Variants in NOL10 observed in about 807,000 individuals in gnomAD.
NOL10 encodes the protein nucleolar protein 10, also known as H_NH0074G24.1.
Under a neutral mutation model 103.5 loss-of-function variants are expected in NOL10, and 58 were observed. The observed-to-expected ratio is 0.56, with a 90% CI of 0.45 to 0.70. The LOEUF is 0.70. NOL10 is among the 30% of genes least tolerant of loss of function. The pLI is 0.00. For synonymous variants in NOL10, 287 were observed against 282.5 expected (o/e 1.02, Z -0.16); for missense variants, 763 against 807.3 (o/e 0.95, Z 0.67).
chr2:10,640,238 C>T lies in NOL10; in HGVS notation c.1026+4082G>A, dbSNP rs564808972. ...CTTCCTGCCAAACGTCAACTTGGTA[C>T]GTTTGATAAAATCTTATGAAAAATG... On this transcript the variant is annotated intron_variant, in intron 13 of 20. Coordinates refer to ENST00000381685, the MANE Select transcript of NOL10 (RefSeq NM_024894.4). Among the ~76,000 whole-genome samples, 4 of 152,286 alleles carry T rather than the reference C, an allele frequency of 2.6e-5. No homozygotes were observed. In the South Asian group the frequency reaches 8.3e-4, roughly 32 times the overall value.
chr2:10,588,169 A>G (rs1675211872), intron 19 of NOL10, among the ~76,000 whole-genome samples: 1 of 152,186 alleles, frequency 6.6e-6, no homozygotes, highest in Non-Finnish European at 1.5e-5. Flanking sequence ...GACAACTGAA[A>G]ATTATTCAAA....
intron 13 of NOL10, among the ~76,000 whole-genome samples, chr2:10,607,906 G>T (rs1230137407): frequency 2.0e-5 from 3 of 151,760 alleles, no homozygotes; most frequent in Non-Finnish European, 4.4e-5. Flanking sequence ...CTAATTACTT[G>T]ACAATTACAT....
At chr2:10,670,305 A>AT (rs1680842258) in intron 6 of NOL10, among the ~76,000 whole-genome samples, 1 of 152,070 alleles carries the variant, frequency 6.6e-6, no homozygotes. Context: ...ATACTGCTGT[A>AT]TTTTCAGGGG....
intron 13 of NOL10, among the ~76,000 whole-genome samples, chr2:10,622,885 C>T (rs1252614474): frequency 6.6e-6 from 1 of 152,090 alleles, no homozygotes; most frequent in Non-Finnish European, 1.5e-5. Context: ...ATGGCCAAAA[C>T]TGAATTTAGT....
At chr2:10,586,712 G>C (rs1675038704) in intron 19 of NOL10, among the ~76,000 whole-genome samples, 1 of 152,042 alleles carries the variant, frequency 6.6e-6, no homozygotes, top group East Asian at 1.9e-4. Context: ...CAACAAGGAT[G>C]AAGACCTTTA....
chr2:10,680,142 T>C (rs1440945061), intron 3 of NOL10, among the ~76,000 whole-genome samples: 1 of 151,920 alleles, frequency 6.6e-6, no homozygotes, highest in Non-Finnish European at 1.5e-5. Flanking sequence ...CCGGGTGTGG[T>C]GGCGAGCACC....
rs574532761 is a variant in NOL10 at position 10,591,857 on chromosome 2, G to C, written c.1423-2106C>G. On this transcript the variant is annotated intron_variant, in intron 17 of 20. Coordinates refer to ENST00000381685, the MANE Select transcript of NOL10 (RefSeq NM_024894.4). ...TGTCTATACAAAATATAAAAAATTA[G>C]TCAGGCGTGGTGGTGCATGCCTGTA... 4.7e-4 allele frequency among the ~76,000 whole-genome samples: 71 copies of C among 152,160 alleles called. 1 individual carries two copies. Among genetic ancestry groups the C allele is most frequent in the African/African-American group, 1.5e-3 (62 of 41,508 alleles).
rs184996429 is a variant in NOL10 at position 10,664,460 on chromosome 2, T to C, written c.592-1416A>G. Among the ~76,000 whole-genome samples the C allele has an allele frequency of 2.1e-3, 321 of 152,236 alleles. 2 individuals carry two copies. The highest frequency in any genetic ancestry group is 7.5e-3 in the African/African-American group (310 of 41,548). ...GTAGTACGTCCATTTAAACTGAGTATTAGCCATTACAAAGAATGATGTGAA... is the reference window on the plus strand; with the variant it reads ...GTAGTACGTCCATTTAAACTGAGTACTAGCCATTACAAAGAATGATGTGAA... On this transcript the variant is annotated intron_variant, in intron 8 of 20. Transcript: ENST00000381685.
chr2:10,668,995 T>C (rs928303963), intron 6 of NOL10, among the ~76,000 whole-genome samples: 2 of 152,080 alleles, frequency 1.3e-5, no homozygotes, highest in Non-Finnish European at 2.9e-5. Context: ...CAAAAGTATA[T>C]GTAATGTATC....
At chr2:10,683,167 C>T (rs1681902773) in intron 2 of NOL10, among the ~76,000 whole-genome samples, 1 of 152,086 alleles carries the variant, frequency 6.6e-6, no homozygotes, top group African/African-American at 2.4e-5. Context: ...AAGAGGAAAC[C>T]CCTTTGATAC....
chr2:10,596,988 G>A (rs937389506), intron 17 of NOL10, among the ~76,000 whole-genome samples: 2 of 151,226 alleles, frequency 1.3e-5, no homozygotes, highest in African/African-American at 2.4e-5. Context: ...TTTTTTTAAA[G>A]AGATGCTGTC....
At chr2:10,658,184 T>C (rs1392005472) in intron 10 of NOL10, among the ~76,000 whole-genome samples, 3 of 152,224 alleles carry the variant, frequency 2.0e-5, no homozygotes, top group Non-Finnish European at 4.4e-5. Flanking sequence ...AACAAATATA[T>C]ACTGAGGGCC....
chr2:10,581,668 A>C (rs559504936), intron 19 of NOL10, among the ~76,000 whole-genome samples: 1 of 152,234 alleles, frequency 6.6e-6, no homozygotes, highest in African/African-American at 2.4e-5. Flanking sequence ...CTGGACAAAA[A>C]ATTTAACAAT....
At chr2:10,647,977 G>C (rs1288113714) in intron 12 of NOL10, among the ~76,000 whole-genome samples, 4 of 152,136 alleles carry the variant, frequency 2.6e-5, no homozygotes, top group Non-Finnish European at 5.9e-5. Flanking sequence ...TGATTCCACA[G>C]GTCTGGAGTG....
intron 3 of NOL10, among the ~76,000 whole-genome samples, chr2:10,681,285 A>T (rs1217573877): frequency 6.9e-6 from 1 of 143,894 alleles, no homozygotes; most frequent in Non-Finnish European, 1.5e-5. Flanking sequence ...TTGGTAATAA[A>T]AAAAAAAAAG....
At chr2:10,593,150 T>G (rs1375690313) in intron 17 of NOL10, among the ~76,000 whole-genome samples, 2 of 152,092 alleles carry the variant, frequency 1.3e-5, no homozygotes, top group Non-Finnish European at 2.9e-5. Context: ...TTTCTTTTTT[T>G]TCTTTTGAGA....
At chr2:10,608,927 A>G (rs1676399626) in intron 13 of NOL10, among the ~76,000 whole-genome samples, 1 of 152,202 alleles carries the variant, frequency 6.6e-6, no homozygotes, top group Admixed American at 6.5e-5. Context: ...AGGTTTTTAT[A>G]TACTAAGTGG....
intron 12 of NOL10, among the ~76,000 whole-genome samples, chr2:10,653,362 C>T (rs1025579741): frequency 6.6e-6 from 1 of 152,126 alleles, no homozygotes; most frequent in Admixed American, 6.6e-5. Context: ...TCCTAATCCT[C>T]ACACGTTAGA....
intron 13 of NOL10, among the ~76,000 whole-genome samples, chr2:10,638,483 C>CT (rs869294782): frequency 0.013 from 1,032 of 77,696 alleles, 151 homozygotes; most frequent in South Asian, 0.029. Context: ...GCTGAATTCC[C>CT]TTTTTTTTTT....
Sources: gnomAD v4.1 joint callset for allele counts (sites outside exome capture counted in the v4.1 genomes callset) on GRCh38, gnomAD v4.1.1 for gene constraint, MANE v1.5 for transcripts, NCBI Gene and HGNC (gene_info 2026-07-23, HGNC 2026-07-21) for gene names.